Variants in FXR2 observed in about 807,000 individuals in gnomAD.
FXR2 encodes the protein FMR1 autosomal homolog 2, also known as RNA-binding protein FXR2.
Under a neutral mutation model 87.3 loss-of-function variants are expected in FXR2, and 9 were observed. The observed-to-expected ratio is 0.10, with a 90% CI of 0.06 to 0.18. The LOEUF is 0.18. FXR2 is among the 10% of genes least tolerant of loss of function. FXR2 has a pLI of 1.00. For missense variants in FXR2, 661 were observed against 893.6 expected (o/e 0.74, Z 3.32); for synonymous variants, 331 against 328.3 (o/e 1.01, Z -0.09).
At chr17:7,599,177 G>A (rs533955706) in intron 7 of FXR2, among the ~76,000 whole-genome samples, 15 of 151,164 alleles carry the variant, frequency 9.9e-5, no homozygotes, top group South Asian at 8.4e-4. Context: ...GCATGCACCT[G>A]TAATCCCACC....
Position 7,592,788 on chromosome 17 carries a change from G to A in FXR2, c.1635C>T (p.Arg545=), listed in dbSNP as rs746441342. The part of the protein sequence containing the change: ...PGEPPPASAR[R]RRSRRRRTDE... ...CAGTGCGGCGGCGGCGGGAGCGGCGGCGCCTGGCACTTGCTGGGGGGGGTT... is the reference window on the plus strand; with the variant it reads ...CAGTGCGGCGGCGGCGGGAGCGGCGACGCCTGGCACTTGCTGGGGGGGGTT... Residue 545 remains arginine (R), a synonymous_variant, in exon 14 of 17, where the codon CGC becomes CGT. Coordinates refer to ENST00000250113, the MANE Select transcript of FXR2 (RefSeq NM_004860.4). The surrounding 1 kb of genome is among the most constrained non-coding windows in gnomAD (Gnocchi z 4.8). The A allele has an allele frequency of 6.2e-7, 1 of 1,613,752 alleles. No individual in the cohort carries two copies. Among genetic ancestry groups the A allele is most frequent in the Admixed American group, 1.7e-5 (1 of 60,026 alleles).
chr17:7,613,868 A>C, intron 1 of FXR2: 1 of 361,578 alleles, frequency 2.8e-6, no homozygotes, highest in South Asian at 2.1e-5. Flanking sequence ...GACTGATCCA[A>C]CCCAGGGTTC....
rs756996252 is a variant in FXR2 at position 7,591,957 on chromosome 17, G to T, written c.1927-32C>A. 4 of 1,373,794 alleles carry T rather than the reference G, an allele frequency of 2.9e-6. No homozygotes were observed. The African/African-American group carries it at 4.3e-5, about 15-fold the overall frequency. 85.1% of individuals were successfully genotyped at this position (1,373,794 alleles called of 1,614,324 possible). On this transcript the variant is annotated intron_variant, in intron 16 of 16. Coordinates refer to ENST00000250113, the MANE Select transcript of FXR2 (RefSeq NM_004860.4). The surrounding 1 kb of genome is among the most constrained non-coding windows in gnomAD (Gnocchi z 4.0). ...GGAAAGTGGGAAAGAAAACAGAAAA[G>T]CAAGAAGCGGTGAGTAGAAATTCAG...
At chr17:7,608,500 TCA>T (rs1255793784) in intron 1 of FXR2, among the ~76,000 whole-genome samples, 1 of 150,510 alleles carries the variant, frequency 6.6e-6, no homozygotes, top group Non-Finnish European at 1.5e-5. Flanking sequence ...GGCTGTAACC[TCA>T]GTTATTCAGG....
chr17:7,595,891 C>T lies in FXR2; in HGVS notation c.764G>A (p.Arg255Gln). The change falls in exon 8 of 17, where the codon CGA (arginine) becomes CAA (glutamine). Residue 255 changes from arginine to glutamine, a missense_variant. Transcript: ENST00000250113. The surrounding 1 kb of genome is among the most constrained non-coding windows in gnomAD (Gnocchi z 4.7). Reference protein sequence around the residue: ...GTHGANIQQARKVPGVTAIEL... With the variant: ...GTHGANIQQAQKVPGVTAIEL... ...AATGGCGGTCACCCCAGGTACTTTT[C>T]GGGCCTGCTGGATGTTGGCACCGTG... is the stretch of plus-strand genomic sequence containing the variant. The T allele has an allele frequency of 1.9e-6, 3 of 1,613,846 alleles. No homozygotes were observed. The highest frequency in any genetic ancestry group is 2.5e-6 in the Non-Finnish European group (3 of 1,179,824).
Position 7,614,445 on chromosome 17 carries a change from G to A in FXR2, c.81+7C>T, listed in dbSNP as rs2071920537. ...GACCGGCGTCCCCAGTCGGCGCGCC[G>A]TCTCACCTTGTAGAAGGCCCCGTTG... On this transcript the variant is annotated splice_region_variant and intron_variant, in intron 1 of 16. Transcript: ENST00000250113. 1.3e-6 allele frequency: 2 copies of A among 1,531,756 alleles called. No individual in the cohort carries two copies. The highest frequency in any genetic ancestry group is 1.8e-6 in the Non-Finnish European group (2 of 1,138,978). 94.9% of individuals were successfully genotyped at this position (1,531,756 alleles called of 1,614,324 possible). A position where few individuals can be genotyped will look rare whatever the true frequency, so the allele number is the denominator to read the frequency against.
chr17:7,598,747 G>A (rs1567749770), intron 7 of FXR2, among the ~76,000 whole-genome samples: 1 of 152,198 alleles, frequency 6.6e-6, no homozygotes, highest in Non-Finnish European at 1.5e-5. Context: ...AATGGGTCAT[G>A]TCTATAATCC....
intron 7 of FXR2, 102 bp downstream of exon 7, chr17:7,601,307 C>A: frequency 1.4e-6 from 1 of 714,952 alleles, no homozygotes; most frequent in East Asian, 2.6e-5. Context: ...CCAGAAAAAG[C>A]CTTAGTCTTT....
intron 1 of FXR2, among the ~76,000 whole-genome samples, chr17:7,607,969 T>C (rs858524): frequency 0.46 from 69,358 of 151,624 alleles, 17,481 homozygotes; most frequent in South Asian, 0.64. Flanking sequence ...TTCTGTATTT[T>C]TAAGAGAGAC....
chr17:7,598,787 T>A (rs963526001), intron 7 of FXR2, among the ~76,000 whole-genome samples: 20 of 152,168 alleles, frequency 1.3e-4, no homozygotes, highest in African/African-American at 4.8e-4. Context: ...GGCAAGTGGA[T>A]CCCTTGAGGC....
Position 7,592,768 on chromosome 17 carries a change from C to A in FXR2, c.1655G>T (p.Arg552Leu). ...SARRRRSRRR[R>L]TDEDRTVMDG... Reference sequence around the variant, plus strand: ...CATGACGGTCCTGTCTTCATCAGTGCGGCGGCGGCGGGAGCGGCGGCGCCT... The same window carrying A: ...CATGACGGTCCTGTCTTCATCAGTGAGGCGGCGGCGGGAGCGGCGGCGCCT... Residue 552 changes from arginine (R) to leucine (L), a missense_variant, in exon 14 of 17, where the codon CGC becomes CTC. Around this residue, in one of 3 missense-constraint regions of FXR2, gnomAD observed 409 missense variants for 432.0 expected, o/e 0.95. Transcript: ENST00000250113. The surrounding 1 kb of genome is among the most constrained non-coding windows in gnomAD (Gnocchi z 4.8). 1 of 1,611,878 alleles carries A rather than the reference C, an allele frequency of 6.2e-7. No homozygotes were observed. The highest frequency in any genetic ancestry group is 2.2e-5 in the East Asian group (1 of 44,818).
intron 3 of FXR2, among the ~76,000 whole-genome samples, chr17:7,605,281 T>C (rs974638098): frequency 3.3e-5 from 5 of 152,022 alleles, no homozygotes; most frequent in African/African-American, 7.2e-5. Flanking sequence ...GGTGGAAGAA[T>C]TGCTTGAACC....
chr17:7,602,678 G>A (rs550726523), intron 6 of FXR2: 348 of 391,928 alleles, frequency 8.9e-4, no homozygotes, highest in Non-Finnish European at 1.4e-3. Context: ...GCAGTGAGCC[G>A]AGATCGTGCC....
chr17:7,602,809 T>C lies in FXR2; in HGVS notation c.543+100A>G, dbSNP rs1346684476. ...ATAAAGTCCTCTTGACAAATAAATATAAGCACATTTAAGCCCTTCTCTTTC... is the reference window on the plus strand; with the variant it reads ...ATAAAGTCCTCTTGACAAATAAATACAAGCACATTTAAGCCCTTCTCTTTC... On this transcript the variant is annotated intron_variant, in intron 6 of 16. Transcript: ENST00000250113. 4 of 654,800 alleles carry C rather than the reference T, an allele frequency of 6.1e-6. No individual in the cohort carries two copies. The African/African-American group carries it at 7.4e-5, about 12-fold the overall frequency. The allele number at this position is 654,800 out of a possible 1,614,324, so 40.6% of individuals were successfully genotyped here. A position where few individuals can be genotyped will look rare whatever the true frequency, so the allele number is the denominator to read the frequency against.
In FXR2 at chr17:7,609,974, GTATACATATATA is replaced by G. The variant is rs1420501331; in HGVS notation, c.82-3837_82-3826del. Among the ~76,000 whole-genome samples, 23 of 94,728 alleles carry G rather than the reference GTATACATATATA, an allele frequency of 2.4e-4. 2 individuals carry two copies. The highest frequency in any genetic ancestry group is 5.2e-4 in the African/African-American group (16 of 30,520). The allele number at this position is 94,728 out of a possible 152,430, so 62.1% of individuals were successfully genotyped here. On this transcript the variant is annotated intron_variant, in intron 1 of 16. Transcript: ENST00000250113. ...TGTATACATATATATACATGTATAT[GTATACATATATA>G]TATACATGTATATGTATACATATAT...
intron 6 of FXR2, 125 bp from the exon 7 acceptor site, chr17:7,601,650 C>T (rs1294572358): frequency 1.7e-5 from 11 of 645,426 alleles, no homozygotes; most frequent in East Asian, 5.5e-5. Context: ...GCTAGGAGAC[C>T]GGGCGCGGTG....
rs949754702 is a variant in FXR2 at position 7,593,343 on chromosome 17, C to T, written c.1330+60G>A. The T allele has an allele frequency of 2.2e-6, 3 of 1,364,154 alleles. No homozygotes were observed. Among genetic ancestry groups the T allele is most frequent in the African/African-American group, 2.9e-5 (2 of 69,418 alleles). The allele number at this position is 1,364,154 out of a possible 1,614,324, so 84.5% of individuals were successfully genotyped here. A position where few individuals can be genotyped will look rare whatever the true frequency, so the allele number is the denominator to read the frequency against. On this transcript the variant is annotated intron_variant, in intron 12 of 16. Transcript: ENST00000250113. This position sits in a 1 kb window ranked among gnomAD's most constrained non-coding sequence, Gnocchi z 6.1. ...AGATTTCCCCAAACTTCCATCCAGA[C>T]CTCTGCCTCTACCCACAAGCCCTGC...
At chr17:7,613,830 C>T (rs1027768348) in intron 1 of FXR2, 1 of 344,750 alleles carries the variant, frequency 2.9e-6, no homozygotes, top group African/African-American at 2.1e-5. Context: ...CGAAAGATGC[C>T]ACCTTATGGC....
chr17:7,593,286 C>A lies in FXR2; in HGVS notation c.1331-105G>T. On this transcript the variant is annotated intron_variant, in intron 12 of 16. Coordinates refer to ENST00000250113, the MANE Select transcript of FXR2 (RefSeq NM_004860.4). This position sits in a 1 kb window ranked among gnomAD's most constrained non-coding sequence, Gnocchi z 6.1. The stretch of plus-strand genomic sequence containing the variant: ...TCCTTCTCACTCACAAGCCTCCCAG[C>A]CAATCAATCACTTTTTCATCATCTC... The A allele has an allele frequency of 8.2e-7, 1 of 1,219,418 alleles. No homozygotes were observed. The highest frequency in any genetic ancestry group is 1.1e-6 in the Non-Finnish European group (1 of 880,960). The allele number at this position is 1,219,418 out of a possible 1,614,324, so 75.5% of individuals were successfully genotyped here.
Sources: allele counts gnomAD v4.1 joint callset (sites outside exome capture counted in the v4.1 genomes callset), GRCh38; gene constraint gnomAD v4.1.1; regional missense constraint gnomAD v4.1.1; non-coding constraint Gnocchi (gnomAD v3.1); transcripts MANE v1.5; gene names NCBI Gene and HGNC (gene_info 2026-07-23, HGNC 2026-07-21).